The following KHDRBS2 variants were observed in gnomAD, a reference collection of about 807,000 sequenced individuals.
The protein encoded by KHDRBS2 is KH domain-containing, RNA-binding, signal transduction-associated protein 2.
A neutral mutation model predicts 44.3 loss-of-function variants in KHDRBS2; 26 were observed. The observed-to-expected ratio is 0.59, with a 90% confidence interval of 0.43 to 0.81. The LOEUF (loss-of-function observed/expected upper bound fraction) is 0.81, where lower values mean the gene tolerates loss of function less well. KHDRBS2 is among the 40% of genes least tolerant of loss of function. The pLI, the probability that KHDRBS2 is intolerant of heterozygous loss-of-function variation, is 0.00. For missense variants in KHDRBS2, 476 were observed against 433.1 expected (o/e 1.10, Z -0.88); for synonymous variants, 194 against 151.1 (o/e 1.28, Z -2.08).
chr6:61,950,168 ACT>A (rs1316226996), intron 4 of KHDRBS2, among the ~76,000 whole-genome samples: 2 of 151,746 alleles, frequency 1.3e-5, no homozygotes, highest in South Asian at 2.1e-4. Flanking sequence ...GTAGGAAAAG[ACT>A]CTCTGTGTGA....
the KHDRBS2 span, among the ~76,000 whole-genome samples, chr6:61,549,474 G>T: frequency 1.3e-5 from 2 of 152,074 alleles, no homozygotes; most frequent in African/African-American, 2.4e-5. Flanking sequence ...TAAGCCCATT[G>T]CATGTTAATA....
intron 2 of KHDRBS2, among the ~76,000 whole-genome samples, chr6:62,066,414 C>T (rs1247788245): frequency 2.0e-5 from 3 of 151,616 alleles, no homozygotes; most frequent in Non-Finnish European, 4.4e-5. Flanking sequence ...AAAGTAACAT[C>T]TTAATGACAA....
the KHDRBS2 span, among the ~76,000 whole-genome samples, chr6:61,609,280 C>T: frequency 6.6e-6 from 1 of 152,172 alleles, no homozygotes; most frequent in Admixed American, 6.5e-5. Context: ...ATCGCTTAAA[C>T]CCAGGAGGTG....
the KHDRBS2 span, among the ~76,000 whole-genome samples, chr6:61,552,461 G>T: frequency 5.9e-5 from 9 of 152,032 alleles, no homozygotes; most frequent in African/African-American, 2.2e-4. Flanking sequence ...TCTGAAAACA[G>T]GGATAGTTTG....
the KHDRBS2 span, among the ~76,000 whole-genome samples, chr6:61,548,212 A>G: frequency 6.6e-6 from 1 of 152,168 alleles, no homozygotes; most frequent in Non-Finnish European, 1.5e-5. Flanking sequence ...TAACTATGGA[A>G]AAATAACATT....
intron 6 of KHDRBS2, among the ~76,000 whole-genome samples, chr6:61,748,157 TG>T (rs1424304463): frequency 2.0e-5 from 3 of 152,004 alleles, no homozygotes; most frequent in Non-Finnish European, 4.4e-5. Flanking sequence ...GCCCAGCTAA[TG>T]ATTTGTATTT....
the KHDRBS2 span, among the ~76,000 whole-genome samples, chr6:61,571,008 G>GAA: frequency 6.8e-6 from 1 of 147,408 alleles, no homozygotes; most frequent in Non-Finnish European, 1.5e-5. Flanking sequence ...ATAACACAAT[G>GAA]AAAAAAAAAC....
intron 8 of KHDRBS2, among the ~76,000 whole-genome samples, chr6:61,682,379 G>A (rs756637420): frequency 2.6e-4 from 39 of 151,914 alleles, no homozygotes; most frequent in Admixed American, 1.1e-3. Context: ...CTCTTTCACT[G>A]TTTAGTCTTT....
intron 4 of KHDRBS2, among the ~76,000 whole-genome samples, chr6:61,962,254 A>C (rs1040367788): frequency 6.6e-6 from 1 of 152,112 alleles, no homozygotes; most frequent in African/African-American, 2.4e-5. Flanking sequence ...AGGTTCTAAA[A>C]AGCTGGTCTC....
intron 2 of KHDRBS2, among the ~76,000 whole-genome samples, chr6:62,081,972 A>G (rs7764801): frequency 1.2e-4 from 18 of 152,232 alleles, no homozygotes; most frequent in African/African-American, 4.3e-4. Flanking sequence ...GGAAATAACT[A>G]AAGGAATTAA....
chr6:61,983,492 G>T (rs1774406801), intron 3 of KHDRBS2, among the ~76,000 whole-genome samples: 1 of 151,946 alleles, frequency 6.6e-6, no homozygotes. Flanking sequence ...GTCACTTCTG[G>T]ATGGGCTTAG....
chr6:61,602,659 C>T, the KHDRBS2 span, among the ~76,000 whole-genome samples: 9 of 152,052 alleles, frequency 5.9e-5, no homozygotes, highest in African/African-American at 1.2e-4. Context: ...AGGGTAAGTC[C>T]GTACCCTTCT....
intron 1 of KHDRBS2, among the ~76,000 whole-genome samples, chr6:62,270,300 T>TCTC (rs1304836428): frequency 7.4e-6 from 1 of 134,260 alleles, no homozygotes; most frequent in African/African-American, 2.9e-5. Context: ...TCTCTCTCTC[T>TCTC]CCTCTCTCTC....
At chr6:61,948,480 G>A (rs1414908783) in intron 4 of KHDRBS2, among the ~76,000 whole-genome samples, 1 of 151,814 alleles carries the variant, frequency 6.6e-6, no homozygotes, top group Non-Finnish European at 1.5e-5. Flanking sequence ...GATAATTTAA[G>A]AATCAAAAGA....
chr6:61,877,415 T>C (rs1161847098), intron 6 of KHDRBS2, among the ~76,000 whole-genome samples: 1 of 151,938 alleles, frequency 6.6e-6, no homozygotes, highest in African/African-American at 2.4e-5. Flanking sequence ...AAGATGATGT[T>C]TCTTAGTAAT....
the KHDRBS2 span, among the ~76,000 whole-genome samples, chr6:61,544,241 T>C: frequency 6.6e-6 from 1 of 152,094 alleles, no homozygotes; most frequent in East Asian, 1.9e-4. Flanking sequence ...CACCTAAAAA[T>C]TAAAATAAAT....
At chr6:61,718,221 G>A (rs1562021035) in intron 7 of KHDRBS2, among the ~76,000 whole-genome samples, 1 of 152,010 alleles carries the variant, frequency 6.6e-6, no homozygotes, top group Non-Finnish European at 1.5e-5. Flanking sequence ...CATCCTATAG[G>A]CTCTGACCCT....
At chr6:61,722,272 A>T (rs144899843) in intron 7 of KHDRBS2, among the ~76,000 whole-genome samples, 3,776 of 152,270 alleles carry the variant, frequency 0.025, 75 homozygotes, top group Middle Eastern at 0.082. Context: ...CGGCTTTGGT[A>T]TCAGGATGAT....
rs145439686 is a variant in KHDRBS2, at chr6:62,230,483, T to A, written c.92-53171A>T. Among the ~76,000 whole-genome samples, 381 of 152,294 alleles carry A rather than the reference T, an allele frequency of 2.5e-3. 3 individuals are homozygous for A. The highest frequency in any genetic ancestry group is 8.4e-3 in the African/African-American group (349 of 41,572). Reference sequence around the variant, plus strand: ...GACCTTCCATCTTTTTAAACATTGTTTTGAACAGACTATAGCAATATAAAT... The same window carrying A: ...GACCTTCCATCTTTTTAAACATTGTATTGAACAGACTATAGCAATATAAAT... On this transcript the variant is annotated intron_variant, in intron 1 of 8. Transcript: ENST00000281156.
Sources: gnomAD v4.1 joint callset for allele counts (sites outside exome capture counted in the v4.1 genomes callset) on GRCh38, gnomAD v4.1.1 for gene constraint, MANE v1.5 for transcripts, NCBI Gene and HGNC (gene_info 2026-07-23, HGNC 2026-07-21) for gene names.